Variants in GPN1 observed in about 807,000 individuals in gnomAD.
The protein encoded by GPN1 is GPN-loop GTPase 1.
A neutral mutation model predicts 55.9 loss-of-function variants in GPN1; 44 were observed. The ratio of observed to expected loss-of-function variants is 0.79; its 90% CI spans 0.62 to 1.01. The LOEUF (loss-of-function observed/expected upper bound fraction) is 1.01. Ranked by LOEUF, GPN1 falls within the 50% of genes least tolerant of loss-of-function variation. GPN1 has a pLI of 0.00. For missense variants in GPN1, 466 were observed against 462.8 expected (o/e 1.01, Z -0.06); for synonymous variants, 179 against 162.5 (o/e 1.10, Z -0.77).
chr2:27,642,501 G>T lies in GPN1; in HGVS notation c.913G>T (p.Asp305Tyr). 6.2e-7 allele frequency: 1 copy of T among 1,610,218 alleles called. No individual in the cohort carries two copies. The stretch of plus-strand genomic sequence containing the variant: ...AAAAGATATGGGTTCTGTAGCCTTG[G>T]ATGCAGGGACTGCCAAAGGTATTGG... ...LRKDMGSVALDAGTAKDSLSP... is the reference protein window; with the variant it reads ...LRKDMGSVALYAGTAKDSLSP... The change falls in exon 12 of 14, where the codon GAT becomes TAT. Residue 305 changes from aspartate (D) to tyrosine (Y), a missense_variant. By Grantham distance (160) the Asp-to-Tyr change is radical (BLOSUM62 -3). Coordinates refer to ENST00000610189, the MANE Select transcript of GPN1 (RefSeq NM_007266.4).
At chr2:27,631,313 T>C (rs547508678) in intron 3 of GPN1, 1 of 525,076 alleles carries the variant, frequency 1.9e-6, no homozygotes, top group African/African-American at 1.9e-5. Flanking sequence ...AACTGACAGC[T>C]ACCTGGGTCC....
Position 27,642,487 on chromosome 2 carries a change from G to A in GPN1, c.899G>A (p.Gly300Asp), listed in dbSNP as rs1352692105. The A allele has an allele frequency of 6.2e-7, 1 of 1,613,154 alleles. No homozygotes were observed. The highest frequency in any genetic ancestry group is 1.7e-5 in the Admixed American group (1 of 60,016). Residue 300 changes from glycine (G) to aspartate (D), a missense_variant, in exon 12 of 14, where the codon GGT becomes GAT. Physicochemically the swap from Gly to Asp is moderately conservative, Grantham distance 94. Coordinates refer to ENST00000610189, the MANE Select transcript of GPN1 (RefSeq NM_007266.4). ...EQLERLRKDM[G>D]SVALDAGTAK... The stretch of plus-strand genomic sequence containing the variant: ...CTGGAACGCCTTCGAAAAGATATGG[G>A]TTCTGTAGCCTTGGATGCAGGGACT...
At chr2:27,631,948 CTCTTAAAT>C (rs1673571837) in intron 4 of GPN1, 48 bp downstream of exon 4, 4 of 1,034,700 alleles carry the variant, frequency 3.9e-6, no homozygotes, top group African/African-American at 1.6e-5. Flanking sequence ...AAATCTGTGA[CTCTTAAAT>C]TCCTTAGCTT....
rs1342023737 is a variant in GPN1 at position 27,638,949 on chromosome 2, C to T, written c.635C>T (p.Ala212Val). The change falls in exon 9 of 14, where the codon GCC becomes GTC. Residue 212 changes from alanine to valine, a missense_variant. Transcript: ENST00000610189. ...CAGGATTTTGAGGCTTTCCAAGATG[C>T]CTTGAATCAAGAGACTACATACGTC... ...WMQDFEAFQD[A>V]LNQETTYVSN... The T allele has an allele frequency of 1.2e-6, 2 of 1,613,144 alleles. No homozygotes were observed. Among genetic ancestry groups the T allele is most frequent in the African/African-American group, 2.7e-5 (2 of 74,882 alleles).
At chr2:27,632,386 A>T (rs1673589913) in intron 4 of GPN1, among the ~76,000 whole-genome samples, 1 of 152,240 alleles carries the variant, frequency 6.6e-6, no homozygotes, top group Non-Finnish European at 1.5e-5. Flanking sequence ...TGACATTGAC[A>T]GATCAAAGTC....
In GPN1 at chr2:27,642,813, C is replaced by T. The variant is rs1240782305; in HGVS notation, c.931+294C>T. ...CTCCTGACCTCAGATGATCCACCCA[C>T]CTGGGCCTCCCAAAATGCTGGGATT... On this transcript the variant is annotated intron_variant, in intron 12 of 13. Transcript: ENST00000610189. Among the ~76,000 whole-genome samples, 2 of 152,074 alleles carry T rather than the reference C, an allele frequency of 1.3e-5. 1 individual carries two copies. Among genetic ancestry groups the T allele is most frequent in the Non-Finnish European group, 2.9e-5 (2 of 68,034 alleles).
Position 27,640,125 on chromosome 2 carries a change from G to C in GPN1, c.800G>C (p.Arg267Thr), listed in dbSNP as rs1430851615. Residue 267 changes from arginine to threonine, a missense_variant and splice_region_variant, in exon 10 of 14, where the codon AGG becomes ACG. By Grantham distance (71) the Arg-to-Thr change is moderately conservative. Coordinates refer to ENST00000610189, the MANE Select transcript of GPN1 (RefSeq NM_007266.4). Reference protein sequence around the residue: ...QVTSAAEEYEREYRPEYERLK... With the variant: ...QVTSAAEEYETEYRPEYERLK... ...ACCAGTGCTGCCGAAGAATATGAAAGGTGAGGATAAAGGAAAATTCTATTG... is the reference window on the plus strand; with the variant it reads ...ACCAGTGCTGCCGAAGAATATGAAACGTGAGGATAAAGGAAAATTCTATTG... The C allele has an allele frequency of 2.0e-5, 32 of 1,595,446 alleles. No homozygotes were observed. The highest frequency in any genetic ancestry group is 2.7e-5 in the African/African-American group (2 of 74,514).
chr2:27,642,330 C>T, intron 11 of GPN1, 99 bp from the exon 12 acceptor site: 2 of 730,210 alleles, frequency 2.7e-6, no homozygotes, highest in Admixed American at 2.2e-5. Flanking sequence ...TTTTATGTAG[C>T]CTCTAGTATT....
At position 27,638,210 on chromosome 2, in the gene GPN1, C is replaced by A; in HGVS notation, c.525C>A (p.Ser175Arg). The change falls in exon 8 of 14, where the codon AGC (serine) becomes AGA (arginine). Residue 175 changes from serine to arginine, a missense_variant and splice_region_variant. Transcript: ENST00000610189. ...TFMSNMLYAC[S>R]ILYKTKLPFI... Reference sequence around the variant, plus strand: ...TAACTTCTCAATGTTTGGTTTTCAGCATCTTATACAAAACCAAGCTGCCTT... The same window carrying A: ...TAACTTCTCAATGTTTGGTTTTCAGAATCTTATACAAAACCAAGCTGCCTT... 6.5e-7 allele frequency: 1 copy of A among 1,536,366 alleles called. No homozygotes were observed. The highest frequency in any genetic ancestry group is 9.0e-7 in the Non-Finnish European group (1 of 1,109,338).
At chr2:27,638,307 GT>G in intron 8 of GPN1, 52 bp downstream of exon 8, 1 of 1,028,824 alleles carries the variant, frequency 9.7e-7, no homozygotes, top group Non-Finnish European at 1.5e-6. Context: ...GAACCTTGTG[GT>G]TAGAAGGTTT....
chr2:27,628,965 G>A, upstream of GPN1: 1 of 1,575,356 alleles, frequency 6.3e-7, no homozygotes, highest in Non-Finnish European at 8.6e-7. Context: ...CCTTTCTGAC[G>A]CTGTGGTGGT....
chr2:27,650,190 A>T lies in GPN1; in HGVS notation c.1115A>T (p.Asn372Ile). The T allele has an allele frequency of 6.3e-7, 1 of 1,584,744 alleles. No homozygotes were observed. The highest frequency in any genetic ancestry group is 8.7e-7 in the Non-Finnish European group (1 of 1,153,426). Residue 372 changes from asparagine to isoleucine, a missense_variant, in exon 14 of 14, where the codon AAC (asparagine) becomes ATC (isoleucine). By Grantham distance (149) the Asn-to-Ile change is moderately radical. Coordinates refer to ENST00000610189, the MANE Select transcript of GPN1 (RefSeq NM_007266.4). ...QESMAQYWKR[N>I]NK ...TCGATGGCACAATACTGGAAGAGAA[A>T]CAATAAATAGGAGACTTTAGCACAC...
At chr2:27,628,559 G>C (rs534109464), upstream of GPN1, 153 of 1,551,540 alleles carry the variant, frequency 9.9e-5, 1 homozygote, top group South Asian at 1.7e-3. Flanking sequence ...TGCTCAAAGG[G>C]TCTCGGTGCT....
At chr2:27,631,184 A>C in intron 3 of GPN1, 118 bp downstream of exon 3, 1 of 671,898 alleles carries the variant, frequency 1.5e-6, no homozygotes. Context: ...AAAGGATGGA[A>C]GCTGATTGTG....
intron 11 of GPN1, chr2:27,642,222 A>G: frequency 1.9e-6 from 1 of 514,360 alleles, no homozygotes; most frequent in Non-Finnish European, 3.5e-6. Flanking sequence ...CCTCTAAATC[A>G]GTCTGCAGAG....
rs1233739544 is a variant in GPN1 at position 27,632,563 on chromosome 2, A to G, written c.313-70A>G. On this transcript the variant is annotated intron_variant, in intron 4 of 13. Coordinates refer to ENST00000610189, the MANE Select transcript of GPN1 (RefSeq NM_007266.4). ...GGTGATAGTGCCTGTGAGGTATGCC[A>G]CCCTGGAGAGGGCTCTGTGATTTTG... is the stretch of plus-strand genomic sequence containing the variant. 2.9e-6 allele frequency: 3 copies of G among 1,039,458 alleles called. No homozygotes were observed. In the African/African-American group the frequency reaches 4.7e-5, roughly 16 times the overall value. 64.4% of individuals were successfully genotyped at this position (1,039,458 alleles called of 1,614,324 possible). A position where few individuals can be genotyped will look rare whatever the true frequency, so the allele number is the denominator to read the frequency against.
At position 27,643,326 on chromosome 2, in the gene GPN1, TTATC is replaced by T. The variant is rs1268385100; in HGVS notation, c.931+811_931+814del. On this transcript the variant is annotated intron_variant, in intron 12 of 13. Transcript: ENST00000610189. This position sits in a 1 kb window ranked among gnomAD's most constrained non-coding sequence, Gnocchi z 4.0. ...CATTCTACCATGTTTACTTTATTCT[TTATC>T]TATATATGACTTTATATGTTATATA... is the stretch of plus-strand genomic sequence containing the variant. 6.6e-6 allele frequency among the ~76,000 whole-genome samples: 1 copy of T among 152,026 alleles called. No homozygotes were observed. Among genetic ancestry groups the T allele is most frequent in the African/African-American group, 2.4e-5 (1 of 41,526 alleles).
At chr2:27,640,203 A>T in intron 10 of GPN1, 78 bp downstream of exon 10, 1 of 951,338 alleles carries the variant, frequency 1.1e-6, no homozygotes, top group Non-Finnish European at 1.7e-6. Flanking sequence ...TTTCCAGGAA[A>T]AGCATTACAT....
chr2:27,636,516 A>G (rs1227872818), intron 7 of GPN1, among the ~76,000 whole-genome samples: 1 of 152,014 alleles, frequency 6.6e-6, no homozygotes. Flanking sequence ...TTTTTTCGAG[A>G]CGGAGTCTTG....
Sources: allele counts gnomAD v4.1 joint callset (sites outside exome capture counted in the v4.1 genomes callset), GRCh38; gene constraint gnomAD v4.1.1; non-coding constraint Gnocchi (gnomAD v3.1); transcripts MANE v1.5; gene names NCBI Gene and HGNC (gene_info 2026-07-23, HGNC 2026-07-21).